Variants in SAMD12 observed in about 807,000 individuals in gnomAD.
SAMD12 encodes sterile alpha motif domain-containing protein 12.
Under a neutral mutation model 15.0 loss-of-function variants are expected in SAMD12, and 9 were observed. That is an observed-to-expected ratio of 0.60 (90% CI 0.36 to 1.05). SAMD12 has a LOEUF of 1.05. SAMD12 is among the 50% of genes least tolerant of loss of function. The pLI, the probability that SAMD12 is intolerant of heterozygous loss-of-function variation, is 0.01. For synonymous variants in SAMD12, 86 were observed against 90.1 expected (o/e 0.96, Z 0.25); for missense variants, 230 against 234.2 (o/e 0.98, Z 0.12).
intron 4 of SAMD12, among the ~76,000 whole-genome samples, chr8:118,198,519 A>T (rs991681492): frequency 6.6e-6 from 1 of 152,130 alleles, no homozygotes; most frequent in East Asian, 1.9e-4. Context: ...AATACACAAA[A>T]CTATCAGACA....
intron 4 of SAMD12, among the ~76,000 whole-genome samples, chr8:118,340,133 T>A (rs1269887117): frequency 6.6e-6 from 1 of 152,234 alleles, no homozygotes; most frequent in Non-Finnish European, 1.5e-5. Flanking sequence ...GACATTTCAT[T>A]TGCCCCACAG....
At chr8:118,175,815 A>G in the SAMD12 span, among the ~76,000 whole-genome samples, 1 of 152,356 alleles carries the variant, frequency 6.6e-6, no homozygotes, top group African/African-American at 2.4e-5. Flanking sequence ...CAGAATGGCT[A>G]TTATTAAAAA....
At chr8:118,249,275 C>T (rs943806173) in intron 4 of SAMD12, among the ~76,000 whole-genome samples, 1 of 152,156 alleles carries the variant, frequency 6.6e-6, no homozygotes, top group African/African-American at 2.4e-5. Context: ...TCTTCCATTA[C>T]TGCTCATTGT....
chr8:118,360,962 C>T (rs1818469786), intron 4 of SAMD12, among the ~76,000 whole-genome samples: 1 of 152,130 alleles, frequency 6.6e-6, no homozygotes, highest in South Asian at 2.1e-4. Flanking sequence ...TAAAGCTCTT[C>T]CACGAGTGTC....
chr8:118,392,165 AC>A, intron 3 of SAMD12, among the ~76,000 whole-genome samples: 1 of 152,328 alleles, frequency 6.6e-6, no homozygotes, highest in East Asian at 1.9e-4. Context: ...GCAGTGGCTC[AC>A]GCCTGTAATC....
chr8:118,543,631 C>CTTTTTTTTTTTTTTTTTTTTTT (rs397978436), intron 2 of SAMD12, among the ~76,000 whole-genome samples: 13 of 116,630 alleles, frequency 1.1e-4, no homozygotes, highest in African/African-American at 1.8e-4. Flanking sequence ...TTCTTTCTTT[C>CTTTTTTTTTTTTTTTTTTTTTT]TTTTTTTTTT....
chr8:118,423,869 C>T (rs749663348), intron 3 of SAMD12, among the ~76,000 whole-genome samples: 49 of 152,218 alleles, frequency 3.2e-4, no homozygotes, highest in Non-Finnish European at 6.0e-4. Flanking sequence ...AATACTTCCT[C>T]GATTGCCTGG....
intron 4 of SAMD12, among the ~76,000 whole-genome samples, chr8:118,254,865 C>T (rs1812896754): frequency 1.3e-5 from 2 of 152,108 alleles, no homozygotes; most frequent in Non-Finnish European, 2.9e-5. Flanking sequence ...TACTTGCTCA[C>T]CCATTCCCTA....
chr8:118,359,630 ACTT>A (rs1248082226), intron 4 of SAMD12, among the ~76,000 whole-genome samples: 4 of 152,260 alleles, frequency 2.6e-5, no homozygotes, highest in Admixed American at 2.0e-4. Context: ...TTGCTTCATC[ACTT>A]CTTATACTGT....
Position 118,379,584 on chromosome 8 carries a change from T to G in SAMD12, c.439A>C (p.Arg147=). The part of the protein sequence containing the change: ...VLQLKVREEV[R]NLQLLTQGTL... Reference sequence around the variant, plus strand: ...CCTTGTGTGAGTAACTGTAGATTTCTGACTTCTTCTCGCACCTTCAGCTGG... The same window carrying G: ...CCTTGTGTGAGTAACTGTAGATTTCGGACTTCTTCTCGCACCTTCAGCTGG... The change falls in exon 4 of 4, where the codon AGA becomes CGA. Residue 147 remains arginine (R), a synonymous_variant. Transcript: ENST00000314727. 6.2e-7 allele frequency: 1 copy of G among 1,613,994 alleles called. No individual in the cohort carries two copies. Among genetic ancestry groups the G allele is most frequent in the South Asian group, 1.1e-5 (1 of 91,086 alleles).
At chr8:118,266,884 AAC>A (rs1470644994) in intron 4 of SAMD12, among the ~76,000 whole-genome samples, 12 of 152,124 alleles carry the variant, frequency 7.9e-5, no homozygotes, top group Non-Finnish European at 1.0e-4. Context: ...AATTTAATTT[AAC>A]AGGAGAAATA....
At chr8:118,161,061 G>A in the SAMD12 span, among the ~76,000 whole-genome samples, 270 of 152,090 alleles carry the variant, frequency 1.8e-3, 1 homozygote, top group South Asian at 0.013. Context: ...TTTTGTCCTT[G>A]CGATAGTTTG....
intron 3 of SAMD12, among the ~76,000 whole-genome samples, chr8:118,402,730 A>G (rs1048800010): frequency 2.6e-5 from 4 of 152,246 alleles, no homozygotes; most frequent in Non-Finnish European, 4.4e-5. Flanking sequence ...GCCCTGTCTG[A>G]TAATGTAAAA....
intron 4 of SAMD12, chr8:118,282,479 C>A (rs1813697429): frequency 5.2e-6 from 2 of 381,012 alleles, no homozygotes; most frequent in African/African-American, 2.1e-5. Context: ...TAATTTATTT[C>A]TCTTGCTTTT....
intron 3 of SAMD12, among the ~76,000 whole-genome samples, chr8:118,413,252 G>A (rs1285938223): frequency 2.0e-5 from 3 of 152,164 alleles, no homozygotes; most frequent in East Asian, 1.9e-4. Flanking sequence ...CACTCATTTT[G>A]GAGGGTGTGT....
chr8:118,381,541 C>T (rs140221133), intron 3 of SAMD12, among the ~76,000 whole-genome samples: 1 of 152,116 alleles, frequency 6.6e-6, no homozygotes, highest in East Asian at 1.9e-4. Context: ...CCAGGTGAGT[C>T]CAATCTAATC....
intron 2 of SAMD12, among the ~76,000 whole-genome samples, chr8:118,462,027 A>G (rs1227432471): frequency 6.6e-6 from 1 of 152,258 alleles, no homozygotes; most frequent in Non-Finnish European, 1.5e-5. Flanking sequence ...ATAAGGACTT[A>G]CTAAATGGTA....
At chr8:118,346,640 G>C (rs907088106) in intron 4 of SAMD12, among the ~76,000 whole-genome samples, 10 of 152,114 alleles carry the variant, frequency 6.6e-5, no homozygotes, top group Admixed American at 6.5e-5. Flanking sequence ...AGCAACCCCA[G>C]GTTCTGCGAT....
chr8:118,577,270 G>A (rs1229882932), intron 2 of SAMD12, among the ~76,000 whole-genome samples: 1 of 152,112 alleles, frequency 6.6e-6, no homozygotes, highest in African/African-American at 2.4e-5. Context: ...AGTGTTTTGA[G>A]GAATTGGGGC....
Sources: gnomAD v4.1 joint callset for allele counts (sites outside exome capture counted in the v4.1 genomes callset) on GRCh38, gnomAD v4.1.1 for gene constraint, MANE v1.5 for transcripts, NCBI Gene and HGNC (gene_info 2026-07-23, HGNC 2026-07-21) for gene names.